The following TTC7B variants were observed in gnomAD, a reference collection of about 807,000 sequenced individuals.
The protein encoded by TTC7B is tetratricopeptide repeat domain 7B.
Under a neutral mutation model 106.8 loss-of-function variants are expected in TTC7B, and 28 were observed. That is an observed-to-expected ratio of 0.26 (90% confidence interval 0.19 to 0.36). The LOEUF (loss-of-function observed/expected upper bound fraction) is 0.36, where lower values mean the gene tolerates loss of function less well. Ranked by LOEUF, TTC7B falls within the 10% of genes least tolerant of loss-of-function variation. The probability of loss-of-function intolerance (pLI) is 1.00; values close to 1 mark genes in which losing one functional copy is unlikely to be tolerated. For synonymous variants in TTC7B, 405 were observed against 430.6 expected (o/e 0.94, Z 0.74); for missense variants, 862 against 1,076.4 (o/e 0.80, Z 2.79).
intron 4 of TTC7B, among the ~76,000 whole-genome samples, chr14:90,743,772 T>C (rs1357123218): frequency 1.1e-5 from 1 of 88,462 alleles, no homozygotes; most frequent in Non-Finnish European, 2.4e-5. Context: ...TTATGTTCTT[T>C]TTATGGACGG....
At chr14:90,741,743 C>G (rs770319561) in intron 4 of TTC7B, among the ~76,000 whole-genome samples, 2 of 152,244 alleles carry the variant, frequency 1.3e-5, no homozygotes, top group Non-Finnish European at 2.9e-5. Flanking sequence ...AACCTGCAAA[C>G]TTTCCACCAA....
intron 16 of TTC7B, among the ~76,000 whole-genome samples, chr14:90,614,163 C>T (rs949774079): frequency 6.6e-6 from 1 of 152,214 alleles, no homozygotes; most frequent in Non-Finnish European, 1.5e-5. Context: ...TTCTCCAGGT[C>T]TCTTAGGCCT....
chr14:90,777,108 T>G (rs1891056706), intron 3 of TTC7B, among the ~76,000 whole-genome samples: 1 of 152,082 alleles, frequency 6.6e-6, no homozygotes, highest in Admixed American at 6.5e-5. Context: ...GGTGTGATAG[T>G]GCACACCTGT....
At position 90,537,060 on chromosome 14, in the gene TTC7B, G is replaced by A. The variant is rs1024183285; in HGVS notation, c.*4308C>T. ...GCCTCTAGCCGCTGGAGAAGACGGG[G>A]ACACCCGTCCTCCTCCAGAGCCTGG... is the stretch of plus-strand genomic sequence containing the variant. On this transcript the variant is annotated 3_prime_UTR_variant, in exon 20 of 20. Coordinates refer to ENST00000328459, the MANE Select transcript of TTC7B (RefSeq NM_001010854.2). The A allele has an allele frequency of 1.3e-5, 2 of 152,232 alleles. No homozygotes were observed. Among genetic ancestry groups the A allele is most frequent in the African/African-American group, 2.4e-5 (1 of 41,448 alleles). The allele number at this position is 152,232 out of a possible 1,614,324, so 9.4% of individuals were successfully genotyped here. A position where few individuals can be genotyped will look rare whatever the true frequency, so the allele number is the denominator to read the frequency against.
chr14:90,806,614 G>T (rs749493565), intron 1 of TTC7B, among the ~76,000 whole-genome samples: 1 of 152,192 alleles, frequency 6.6e-6, no homozygotes, highest in East Asian at 1.9e-4. Context: ...TGCAGATAAA[G>T]GTGAGGCTTA....
intron 17 of TTC7B, chr14:90,603,399 C>T (rs1892512374): frequency 2.6e-6 from 2 of 764,106 alleles, no homozygotes; most frequent in South Asian, 1.5e-5. Flanking sequence ...GTTCTAATAA[C>T]CTTCCAACTG....
intron 3 of TTC7B, among the ~76,000 whole-genome samples, chr14:90,767,542 C>A (rs528421762): frequency 1.3e-5 from 2 of 152,306 alleles, no homozygotes; most frequent in East Asian, 3.9e-4. Context: ...CCTTCTTTCT[C>A]TCACCCTCTC....
At chr14:90,745,660 T>G (rs1889939106) in intron 3 of TTC7B, among the ~76,000 whole-genome samples, 1 of 152,062 alleles carries the variant, frequency 6.6e-6, no homozygotes, top group South Asian at 2.1e-4. Context: ...TCCTTTTTTA[T>G]ATTTTTGGAT....
chr14:90,771,366 C>A (rs1276996552), intron 3 of TTC7B, among the ~76,000 whole-genome samples: 1 of 152,072 alleles, frequency 6.6e-6, no homozygotes, highest in Non-Finnish European at 1.5e-5. Flanking sequence ...GAGGTCAAGG[C>A]GGGAGGCTCG....
At chr14:90,688,912 G>A (rs1467860517) in intron 7 of TTC7B, among the ~76,000 whole-genome samples, 1 of 152,152 alleles carries the variant, frequency 6.6e-6, no homozygotes, top group Non-Finnish European at 1.5e-5. Flanking sequence ...CAGCCTCCCA[G>A]CCCTTCTCCT....
chr14:90,747,913 AATTG>A (rs1309636726), intron 3 of TTC7B, among the ~76,000 whole-genome samples: 2 of 152,194 alleles, frequency 1.3e-5, no homozygotes, highest in Non-Finnish European at 2.9e-5. Context: ...TACAGCCTTG[AATTG>A]ATTAGTGTTA....
intron 9 of TTC7B, among the ~76,000 whole-genome samples, chr14:90,670,918 G>T (rs1886607918): frequency 6.6e-6 from 1 of 152,142 alleles, no homozygotes; most frequent in Non-Finnish European, 1.5e-5. Context: ...TACACTCCTT[G>T]CACATCTAGG....
chr14:90,665,538 C>A, intron 9 of TTC7B, among the ~76,000 whole-genome samples: 1 of 152,302 alleles, frequency 6.6e-6, no homozygotes, highest in Non-Finnish European at 1.5e-5. Flanking sequence ...TGCGCGGCAG[C>A]GACAGCTGTA....
chr14:90,757,529 T>A lies in TTC7B; in HGVS notation c.446-12607A>T, dbSNP rs138557230. 2.0e-3 allele frequency among the ~76,000 whole-genome samples: 299 copies of A among 152,234 alleles called. 2 individuals are homozygous for A. Among genetic ancestry groups the A allele is most frequent in the African/African-American group, 6.7e-3 (277 of 41,532 alleles). Reference sequence around the variant, plus strand: ...TTCTCTCCTGTCCTCTCTTTGCAAATGAGGAGATTCAAGCTCAGAGATGAT... The same window carrying A: ...TTCTCTCCTGTCCTCTCTTTGCAAAAGAGGAGATTCAAGCTCAGAGATGAT... On this transcript the variant is annotated intron_variant, in intron 3 of 19. Coordinates refer to ENST00000328459, the MANE Select transcript of TTC7B (RefSeq NM_001010854.2). This position sits in a 1 kb window ranked among gnomAD's most constrained non-coding sequence, Gnocchi z 4.1.
At chr14:90,552,050 T>C (rs1305997823) in intron 19 of TTC7B, among the ~76,000 whole-genome samples, 2 of 152,244 alleles carry the variant, frequency 1.3e-5, no homozygotes, top group Non-Finnish European at 2.9e-5. Flanking sequence ...GGGGGCCAAG[T>C]GTGTGTGTCT....
chr14:90,815,148 T>C lies in TTC7B; in HGVS notation c.121+1027A>G, dbSNP rs1595061009. 3.3e-5 allele frequency among the ~76,000 whole-genome samples: 5 copies of C among 152,318 alleles called. 1 individual carries two copies. The South Asian group carries it at 1.0e-3, about 32-fold the overall frequency. ...TTCATTCATTTGTTCAGCCAACATG[T>C]GCTCACTGGGCCTGGGGAAGCCCAG... is the stretch of plus-strand genomic sequence containing the variant. On this transcript the variant is annotated intron_variant, in intron 1 of 19. Coordinates refer to ENST00000328459, the MANE Select transcript of TTC7B (RefSeq NM_001010854.2).
chr14:90,595,350 C>CATAA (rs1028764006), intron 17 of TTC7B, among the ~76,000 whole-genome samples: 57 of 151,692 alleles, frequency 3.8e-4, no homozygotes, highest in African/African-American at 1.3e-3. Flanking sequence ...TAAATAAATG[C>CATAA]ATAAATAAAT....
chr14:90,717,744 C>T (rs949532553), intron 5 of TTC7B, among the ~76,000 whole-genome samples: 6 of 152,146 alleles, frequency 3.9e-5, no homozygotes, highest in Admixed American at 2.0e-4. Flanking sequence ...AGCCCACCTT[C>T]GTGTAAAATA....
At chr14:90,668,979 G>C (rs1886526481) in intron 9 of TTC7B, among the ~76,000 whole-genome samples, 1 of 151,784 alleles carries the variant, frequency 6.6e-6, no homozygotes, top group Non-Finnish European at 1.5e-5. Context: ...CTAAGCTACA[G>C]AAATTAAAAT....
Sources: gnomAD v4.1 joint callset for allele counts (sites outside exome capture counted in the v4.1 genomes callset) on GRCh38, gnomAD v4.1.1 for gene constraint, Gnocchi (gnomAD v3.1) non-coding constraint, MANE v1.5 for transcripts, NCBI Gene and HGNC (gene_info 2026-07-23, HGNC 2026-07-21) for gene names.